SPCS3: variants seen among roughly 807,000 people sequenced by gnomAD.
The protein encoded by SPCS3 is SPase 22 kDa subunit.
In SPCS3, 9 loss-of-function variants were observed where a neutral mutation model predicts 17.2. The observed-to-expected ratio is 0.52, with a 90% CI of 0.31 to 0.91. The LOEUF (loss-of-function observed/expected upper bound fraction) is 0.91, where lower values mean the gene tolerates loss of function less well. Ranked by LOEUF, SPCS3 falls within the 40% of genes least tolerant of loss-of-function variation. The pLI is 0.04. For missense variants in SPCS3, 139 were observed against 217.5 expected, an observed-to-expected ratio of 0.64 and a Z score of 2.27; for synonymous variants, 87 against 89.6, an observed-to-expected ratio of 0.97 and a Z score of 0.16.
chr4:176,324,066 G>A, intron 2 of SPCS3, 115 bp from the exon 3 acceptor site: 2 of 497,050 alleles, frequency 4.0e-6, no homozygotes, highest in Non-Finnish European at 6.3e-6. Flanking sequence ...ATGTTTCTGG[G>A]CCGCCTCTTT....
At chr4:176,324,153 A>G in intron 2 of SPCS3, 28 bp from the exon 3 acceptor site, 1 of 1,049,984 alleles carries the variant, frequency 9.5e-7, no homozygotes. Context: ...TACTGCTCAT[A>G]AATTTATATT....
chr4:176,329,138 T>A lies in SPCS3; in HGVS notation c.*808T>A, dbSNP rs1731649491. On this transcript the variant is annotated 3_prime_UTR_variant, in exon 5 of 5. Transcript: ENST00000503362. ...TTTCTTCTAGTGAGCATGCCTGCTG[T>A]CACTAAGTGAATTATTTACTACTTT... The A allele has an allele frequency of 6.6e-6, 1 of 152,130 alleles. No individual in the cohort carries two copies. The highest frequency in any genetic ancestry group is 1.5e-5 in the Non-Finnish European group (1 of 67,982). The allele number at this position is 152,130 out of a possible 1,614,324, so 9.4% of individuals were successfully genotyped here.
In SPCS3 at chr4:176,324,242, T is replaced by A. The variant is rs1362016251; in HGVS notation, c.279T>A (p.Tyr93Ter). 8.7e-7 allele frequency: 1 copy of A among 1,149,928 alleles called. No individual in the cohort carries two copies. Among genetic ancestry groups the A allele is most frequent in the South Asian group, 1.5e-5 (1 of 65,568 alleles). The allele number at this position is 1,149,928 out of a possible 1,614,324, so 71.2% of individuals were successfully genotyped here. ...TGTTTCTTTATTTATCAGCAGAATA[T>A]TCAACAAAAAATAATGTAAGTATAT... is the stretch of plus-strand genomic sequence containing the variant. Reference protein sequence around the residue: ...KQLFLYLSAEYSTKNNALNQV... With the variant: ...KQLFLYLSAE Residue 93 changes from tyrosine (Y) to a stop codon, truncating the protein, a stop_gained, in exon 3 of 5, where the codon TAT (tyrosine) becomes TAA (stop). Transcript: ENST00000503362. LOFTEE classifies it high-confidence loss of function.
Position 176,326,508 on chromosome 4 carries a change from T to C in SPCS3, c.295-654T>C, listed in dbSNP as rs1298088216. The stretch of plus-strand genomic sequence containing the variant: ...ACTTATTTGTAATATGTTGAAAGAG[T>C]AGCTTAAAAGAATTGTCTGACCTCT... On this transcript the variant is annotated intron_variant, in intron 3 of 4. Transcript: ENST00000503362. Among the ~76,000 whole-genome samples, 3 of 152,116 alleles carry C rather than the reference T, an allele frequency of 2.0e-5. 1 individual carries two copies. Among genetic ancestry groups the C allele is most frequent in the Admixed American group, 2.0e-4 (3 of 15,272 alleles).
intron 4 of SPCS3, 110 bp downstream of exon 4, chr4:176,327,387 AAAG>A: frequency 1.5e-6 from 1 of 658,608 alleles, no homozygotes; most frequent in Non-Finnish European, 2.5e-6. Context: ...AAAAATTGGG[AAAG>A]AAGTATTTAT....
chr4:176,323,206 T>C (rs928081502), intron 2 of SPCS3, among the ~76,000 whole-genome samples: 2 of 152,176 alleles, frequency 1.3e-5, no homozygotes, highest in African/African-American at 4.8e-5. Flanking sequence ...TCATGTGTAT[T>C]TTTAAGTCTT....
chr4:176,322,498 A>G (rs1731551403), intron 2 of SPCS3, among the ~76,000 whole-genome samples: 1 of 152,204 alleles, frequency 6.6e-6, no homozygotes, highest in Admixed American at 6.5e-5. Flanking sequence ...ACTACATAAG[A>G]AAGTTTGAAT....
intron 3 of SPCS3, among the ~76,000 whole-genome samples, chr4:176,325,933 T>G (rs1356983023): frequency 6.6e-6 from 1 of 152,144 alleles, no homozygotes; most frequent in Admixed American, 6.5e-5. Context: ...CTAATAGTTT[T>G]AATAGGTTTT....
chr4:176,328,282 C>T lies in SPCS3; in HGVS notation c.495C>T (p.His165=), dbSNP rs373983344. The T allele has an allele frequency of 2.5e-5, 41 of 1,610,338 alleles. No homozygotes were observed. The South Asian group carries it at 2.9e-4, about 11-fold the overall frequency. Residue 165 remains histidine (H), a synonymous_variant, in exon 5 of 5, where the codon CAC becomes CAT. Transcript: ENST00000503362. The part of the protein sequence containing the change: ...GILPLVTGSG[H]VSVPFPDTYE... ...TACCTCTTGTGACAGGATCAGGACACGTATCTGTCCCATTTCCAGATACAT... is the reference window on the plus strand; with the variant it reads ...TACCTCTTGTGACAGGATCAGGACATGTATCTGTCCCATTTCCAGATACAT...
At chr4:176,322,570 A>G (rs1391492091) in intron 2 of SPCS3, among the ~76,000 whole-genome samples, 1 of 152,170 alleles carries the variant, frequency 6.6e-6, no homozygotes, top group East Asian at 1.9e-4. Flanking sequence ...AATATTACCA[A>G]TGCTCAGCCT....
rs780205862 is a variant in SPCS3, at chr4:176,328,158, A to G, written c.411-40A>G. 3.1e-6 allele frequency: 5 copies of G among 1,599,062 alleles called. No homozygotes were observed. In the African/African-American group the frequency reaches 4.1e-5, roughly 13 times the overall value. On this transcript the variant is annotated intron_variant, in intron 4 of 4. Transcript: ENST00000503362. ...GTCTTAAAATTTTTTTTGAACTACT[A>G]GTGTCTCTGATGACTTGTGTTTATT... is the stretch of plus-strand genomic sequence containing the variant.
At chr4:176,326,163 T>C (rs147225428) in intron 3 of SPCS3, among the ~76,000 whole-genome samples, 19,347 of 151,450 alleles carry the variant, frequency 0.13, 1,268 homozygotes, top group Middle Eastern at 0.18. Flanking sequence ...TAGCCAGGCG[T>C]AGTGGTGCGC....
In SPCS3 at chr4:176,328,437, T is replaced by TG. The variant is rs1491513198; in HGVS notation, c.*107_*108insG. 2.1e-5 allele frequency: 2 copies of TG among 94,522 alleles called. No homozygotes were observed. The highest frequency in any genetic ancestry group is 4.0e-5 in the Non-Finnish European group (2 of 49,604). The allele number at this position is 94,522 out of a possible 1,614,324, so 5.9% of individuals were successfully genotyped here. On this transcript the variant is annotated 3_prime_UTR_variant, in exon 5 of 5. Coordinates refer to ENST00000503362, the MANE Select transcript of SPCS3 (RefSeq NM_021928.4). ...TGTTGGTTTGTTTTTTGGTTTTGGGTTTTTTTTTTTTTTTTTTTGGTATAA... is the reference window on the plus strand; with the variant it reads ...TGTTGGTTTGTTTTTTGGTTTTGGGTGTTTTTTTTTTTTTTTTTTGGTATAA...
intron 3 of SPCS3, among the ~76,000 whole-genome samples, chr4:176,325,051 A>G (rs1454163): frequency 1.5e-5 from 2 of 132,334 alleles, no homozygotes; most frequent in Non-Finnish European, 3.3e-5. Flanking sequence ...TTTTTTTTTT[A>G]CTTTTTTTTT....
intron 3 of SPCS3, among the ~76,000 whole-genome samples, chr4:176,325,052 C>CTTTTT (rs55912158): frequency 1.6e-5 from 2 of 123,896 alleles, no homozygotes; most frequent in African/African-American, 6.1e-5. Context: ...TTTTTTTTTA[C>CTTTTT]TTTTTTTTTT....
At position 176,329,039 on chromosome 4, in the gene SPCS3, A is replaced by T. The variant is rs1391639528; in HGVS notation, c.*709A>T. 1 of 152,002 alleles carries T rather than the reference A, an allele frequency of 6.6e-6. No individual in the cohort carries two copies. The highest frequency in any genetic ancestry group is 6.6e-5 in the Admixed American group (1 of 15,264). 9.4% of individuals were successfully genotyped at this position (152,002 alleles called of 1,614,324 possible). A position where few individuals can be genotyped will look rare whatever the true frequency, so the allele number is the denominator to read the frequency against. ...GTGCTTTCTCTAAAAACGTTCCTTT[A>T]TAGCTTTGTACTTTTTTTTTTAGCG... On this transcript the variant is annotated 3_prime_UTR_variant, in exon 5 of 5. Coordinates refer to ENST00000503362, the MANE Select transcript of SPCS3 (RefSeq NM_021928.4).
rs1294537551 is a variant in SPCS3, at chr4:176,330,021, A to G, written c.*1691A>G. 6.6e-6 allele frequency: 1 copy of G among 152,144 alleles called. No individual in the cohort carries two copies. The highest frequency in any genetic ancestry group is 2.4e-5 in the African/African-American group (1 of 41,440). The allele number at this position is 152,144 out of a possible 1,614,324, so 9.4% of individuals were successfully genotyped here. On this transcript the variant is annotated 3_prime_UTR_variant, in exon 5 of 5. Coordinates refer to ENST00000503362, the MANE Select transcript of SPCS3 (RefSeq NM_021928.4). ...GCCTGGCTCCCAGCTTTTTCATTAA[A>G]CTTTTCAGGGTCTTGGTTTCTTTAT...
Position 176,327,199 on chromosome 4 carries a change from TGA to T in SPCS3, c.336_337del (p.Gly113Ter). Reference sequence around the variant, plus strand: ...GTTGTCCTATGGGACAAGATTGTTTTGAGAGGTGATAATCCGAAGCTGCTGCT... The same window carrying T: ...GTTGTCCTATGGGACAAGATTGTTTTGAGGTGATAATCCGAAGCTGCTGCT... On this transcript the variant is annotated frameshift_variant, in exon 4 of 5. Coordinates refer to ENST00000503362, the MANE Select transcript of SPCS3 (RefSeq NM_021928.4). LOFTEE classifies it high-confidence loss of function. 1 of 1,595,442 alleles carries T rather than the reference TGA, an allele frequency of 6.3e-7. No homozygotes were observed. Among genetic ancestry groups the T allele is most frequent in the South Asian group, 1.1e-5 (1 of 86,986 alleles).
chr4:176,326,560 T>A (rs1374577440), intron 3 of SPCS3, among the ~76,000 whole-genome samples: 1 of 152,162 alleles, frequency 6.6e-6, no homozygotes, highest in African/African-American at 2.4e-5. Flanking sequence ...GAGACAACAA[T>A]GCATGTATTT....
Sources: allele counts gnomAD v4.1 joint callset (sites outside exome capture counted in the v4.1 genomes callset), GRCh38; gene constraint gnomAD v4.1.1; transcripts MANE v1.5; gene names NCBI Gene and HGNC (gene_info 2026-07-23, HGNC 2026-07-21).